Variants in ITPRID1 observed in about 807,000 individuals in gnomAD.
The protein encoded by ITPRID1 is ITPR interacting domain containing 1.
A neutral mutation model predicts 95.4 loss-of-function variants in ITPRID1; 96 were observed. The ratio of observed to expected loss-of-function variants is 1.01; its 90% CI spans 0.85 to 1.19. ITPRID1 has a LOEUF of 1.19. ITPRID1 is among the 50% of genes most tolerant of loss of function. The pLI is 0.00. For missense variants in ITPRID1, 1,339 were observed against 1,252.9 expected (o/e 1.07, Z -1.04); for synonymous variants, 510 against 453.6 (o/e 1.12, Z -1.58).
At chr7:31,644,582 G>C (rs1229198668) in intron 12 of ITPRID1, among the ~76,000 whole-genome samples, 1 of 152,254 alleles carries the variant, frequency 6.6e-6, no homozygotes, top group African/African-American at 2.4e-5. Context: ...GGGGCTTTTG[G>C]TCTACCTTTG....
chr7:31,605,149 G>C (rs1489515696), intron 10 of ITPRID1, among the ~76,000 whole-genome samples: 1 of 138,254 alleles, frequency 7.2e-6, no homozygotes, highest in Non-Finnish European at 1.6e-5. Context: ...AAAAAAAAAA[G>C]AGAAAATAAA....
chr7:31,640,840 T>C (rs1397214314), intron 10 of ITPRID1, among the ~76,000 whole-genome samples: 1 of 152,154 alleles, frequency 6.6e-6, no homozygotes. Flanking sequence ...TTCTCAAAAT[T>C]TTGCTCAAAG....
chr7:31,633,079 G>A (rs765793903), intron 10 of ITPRID1, among the ~76,000 whole-genome samples: 3 of 151,948 alleles, frequency 2.0e-5, no homozygotes, highest in African/African-American at 4.8e-5. Context: ...TAAAGACAGG[G>A]TTTCACCATG....
Position 31,553,060 on chromosome 7 carries a change from T to A in ITPRID1, c.36T>A (p.Leu12=), listed in dbSNP as rs774891627. The A allele has an allele frequency of 2.5e-6, 4 of 1,609,660 alleles. No homozygotes were observed. The African/African-American group carries it at 4.0e-5, about 16-fold the overall frequency. ...MAQKSQGSDN[L]QEGQEKSKRE... is the part of the protein sequence containing the mutation. ...AGAAATCACAAGGATCTGACAACCT[T>A]CAGGAAGGCCAGGAAAAGAGCAAGA... The change falls in exon 3 of 15, where the codon CTT becomes CTA. Residue 12 remains leucine (L), a synonymous_variant. Transcript: ENST00000615280.
intron 10 of ITPRID1, among the ~76,000 whole-genome samples, chr7:31,629,454 G>A (rs1788798084): frequency 6.6e-6 from 1 of 152,186 alleles, no homozygotes; most frequent in African/African-American, 2.4e-5. Flanking sequence ...AACACAGCTT[G>A]TAGGGAGGGG....
intron 1 of ITPRID1, among the ~76,000 whole-genome samples, chr7:31,533,136 C>A (rs1783653693): frequency 1.3e-5 from 2 of 151,982 alleles, no homozygotes; most frequent in African/African-American, 4.8e-5. Context: ...CATCTGTACC[C>A]AGGGTTTCCC....
chr7:31,612,943 A>G (rs1786943651), intron 10 of ITPRID1, among the ~76,000 whole-genome samples: 2 of 152,214 alleles, frequency 1.3e-5, no homozygotes, highest in Non-Finnish European at 2.9e-5. Context: ...GGCAGCTATA[A>G]TATTAAACAA....
chr7:31,638,898 T>A (rs1789742020), intron 10 of ITPRID1, among the ~76,000 whole-genome samples: 1 of 152,140 alleles, frequency 6.6e-6, no homozygotes, highest in African/African-American at 2.4e-5. Flanking sequence ...TGCCTTAGCC[T>A]CCCAAGTAGC....
chr7:31,562,287 C>T (rs1784651830), intron 5 of ITPRID1, among the ~76,000 whole-genome samples: 1 of 152,124 alleles, frequency 6.6e-6, no homozygotes, highest in Non-Finnish European at 1.5e-5. Flanking sequence ...TTTAACAACA[C>T]ATCCAAGCAT....
chr7:31,522,761 T>TA (rs1783306860), intron 1 of ITPRID1, among the ~76,000 whole-genome samples: 2 of 152,120 alleles, frequency 1.3e-5, no homozygotes, highest in African/African-American at 4.8e-5. Flanking sequence ...ATAAGAAAGT[T>TA]AAAAACAAAG....
At chr7:31,536,095 G>C (rs1366456274) in intron 1 of ITPRID1, among the ~76,000 whole-genome samples, 1 of 151,938 alleles carries the variant, frequency 6.6e-6, no homozygotes, top group African/African-American at 2.4e-5. Flanking sequence ...TCCTTCTGGG[G>C]CTTCAAAAAT....
chr7:31,550,061 A>AT (rs1221689310), intron 2 of ITPRID1, among the ~76,000 whole-genome samples: 5 of 152,016 alleles, frequency 3.3e-5, no homozygotes, highest in Admixed American at 2.0e-4. Context: ...TAACAGAGCC[A>AT]TTTTTTCTGA....
intron 8 of ITPRID1, among the ~76,000 whole-genome samples, chr7:31,577,208 G>C (rs961517338): frequency 6.6e-6 from 1 of 152,160 alleles, no homozygotes; most frequent in Admixed American, 6.5e-5. Context: ...ACATGGCATC[G>C]TGTCTTCACA....
intron 12 of ITPRID1, among the ~76,000 whole-genome samples, chr7:31,645,163 A>G (rs1790357677): frequency 6.6e-6 from 1 of 152,226 alleles, no homozygotes; most frequent in Admixed American, 6.5e-5. Flanking sequence ...AAATTGCTTG[A>G]CATTACAGTA....
intron 10 of ITPRID1, among the ~76,000 whole-genome samples, chr7:31,588,384 A>G (rs1785712974): frequency 1.3e-5 from 2 of 152,090 alleles, no homozygotes; most frequent in South Asian, 4.2e-4. Context: ...TAATCCCAAC[A>G]CTTTGGGAGG....
intron 1 of ITPRID1, among the ~76,000 whole-genome samples, chr7:31,537,766 G>A (rs1041773281): frequency 2.6e-5 from 4 of 152,038 alleles, no homozygotes; most frequent in African/African-American, 9.7e-5. Flanking sequence ...CACAAAATAA[G>A]AATGCAAGTC....
chr7:31,649,424 A>G (rs547372282), intron 12 of ITPRID1, among the ~76,000 whole-genome samples: 1 of 152,326 alleles, frequency 6.6e-6, no homozygotes, highest in East Asian at 1.9e-4. Context: ...TTTCCTTTAA[A>G]GCACACCACA....
chr7:31,617,686 T>C (rs1157966298), intron 10 of ITPRID1, among the ~76,000 whole-genome samples: 1 of 152,150 alleles, frequency 6.6e-6, no homozygotes, highest in Non-Finnish European at 1.5e-5. Flanking sequence ...TGTCATTTTC[T>C]GATTTATATT....
chr7:31,652,811 T>C lies in ITPRID1; in HGVS notation c.3117T>C (p.Asp1039=). 2 of 1,613,016 alleles carry C rather than the reference T, an allele frequency of 1.2e-6. No individual in the cohort carries two copies. The highest frequency in any genetic ancestry group is 1.7e-6 in the Non-Finnish European group (2 of 1,179,056). The change falls in exon 15 of 15, where the codon GAT becomes GAC. Residue 1039 remains aspartate, a synonymous_variant. Coordinates refer to ENST00000615280, the MANE Select transcript of ITPRID1 (RefSeq NM_001257967.3). ...PLSNCPVGEK[D]ADVFL ...CAAATTGTCCTGTTGGAGAAAAGGATGCAGATGTCTTCCTCTAGATCAGAG... is the reference window on the plus strand; with the variant it reads ...CAAATTGTCCTGTTGGAGAAAAGGACGCAGATGTCTTCCTCTAGATCAGAG...
Sources: allele counts gnomAD v4.1 joint callset (sites outside exome capture counted in the v4.1 genomes callset), GRCh38; gene constraint gnomAD v4.1.1; transcripts MANE v1.5; gene names NCBI Gene and HGNC (gene_info 2026-07-23, HGNC 2026-07-21).